PCDH15: variants seen among roughly 807,000 people sequenced by gnomAD.
The protein encoded by PCDH15 is protocadherin related 15.
Under a neutral mutation model 178.5 loss-of-function variants are expected in PCDH15, and 129 were observed. The ratio of observed to expected loss-of-function variants is 0.72; its 90% CI spans 0.63 to 0.84. The LOEUF (loss-of-function observed/expected upper bound fraction) is 0.84. PCDH15 is among the 40% of genes least tolerant of loss of function. The probability of loss-of-function intolerance (pLI) is 0.00; values close to 1 mark genes in which losing one functional copy is unlikely to be tolerated. For synonymous variants in PCDH15, 800 were observed against 732.0 expected (o/e 1.09, Z -1.50); for missense variants, 2,230 against 2,099.9 (o/e 1.06, Z -1.21).
At position 55,425,782 on chromosome 10, in the gene PCDH15, A is replaced by T. The variant is rs558832573; in HGVS notation, c.-156+201843T>A. 5.9e-5 allele frequency among the ~76,000 whole-genome samples: 9 copies of T among 152,308 alleles called. No individual in the cohort carries two copies. The South Asian group carries it at 1.9e-3, about 32-fold the overall frequency. ...TGAATGTTTGTCTTATAAGCTATTAATATATGCTGTGAAATGTCAAATTTA... is the reference window on the plus strand; with the variant it reads ...TGAATGTTTGTCTTATAAGCTATTATTATATGCTGTGAAATGTCAAATTTA... On this transcript the variant is annotated intron_variant, in intron 2 of 5. Transcript: ENST00000613346.
intron 21 of PCDH15, among the ~76,000 whole-genome samples, chr10:53,975,228 G>T (rs1035167674): frequency 1.3e-5 from 2 of 152,158 alleles, no homozygotes; most frequent in African/African-American, 4.8e-5. Flanking sequence ...ATTGTGAAAA[G>T]TGCAGTGATG....
chr10:53,984,122 CTTTTTTT>C (rs57184119), intron 21 of PCDH15, among the ~76,000 whole-genome samples: 3 of 112,690 alleles, frequency 2.7e-5, no homozygotes, highest in Admixed American at 1.9e-4. Flanking sequence ...AAGTGCTTTT[CTTTTTTT>C]TTTTTTCTTT....
chr10:54,590,173 C>T (rs2133922610), intron 2 of PCDH15, among the ~76,000 whole-genome samples: 1 of 152,238 alleles, frequency 6.6e-6, no homozygotes, highest in Non-Finnish European at 1.5e-5. Context: ...CAATAAAACA[C>T]TTTTATCTAT....
intron 1 of PCDH15, among the ~76,000 whole-genome samples, chr10:54,789,980 CTT>C (rs1426667989): frequency 6.6e-6 from 1 of 151,760 alleles, no homozygotes; most frequent in Non-Finnish European, 1.5e-5. Context: ...ATACGACAAA[CTT>C]AACAAATAAG....
intron 1 of PCDH15, among the ~76,000 whole-genome samples, chr10:55,185,437 G>T (rs1463956749): frequency 6.6e-6 from 1 of 151,656 alleles, no homozygotes; most frequent in East Asian, 1.9e-4. Context: ...TTTATTAAAA[G>T]ACTTTGATGA....
chr10:53,827,044 CTATT>C (rs1229322057), intron 32 of PCDH15, among the ~76,000 whole-genome samples: 3 of 151,496 alleles, frequency 2.0e-5, no homozygotes, highest in Non-Finnish European at 4.4e-5. Flanking sequence ...TTTTCAGAAT[CTATT>C]TATATATTTA....
intron 2 of PCDH15, among the ~76,000 whole-genome samples, chr10:55,431,124 T>A (rs1838872078): frequency 1.3e-5 from 2 of 152,160 alleles, no homozygotes; most frequent in African/African-American, 4.8e-5. Flanking sequence ...ATTCTAGGAT[T>A]TTGAGTAATA....
At chr10:53,886,595 CTTTTTTTTTTT>C (rs36171553) in intron 26 of PCDH15, among the ~76,000 whole-genome samples, 5 of 72,786 alleles carry the variant, frequency 6.9e-5, no homozygotes, top group African/African-American at 1.2e-4. Flanking sequence ...ATGTATGCCT[CTTTTTTTTTTT>C]TTTTTTTTTT....
At chr10:53,911,580 T>A (rs2083090007) in intron 25 of PCDH15, among the ~76,000 whole-genome samples, 2 of 152,136 alleles carry the variant, frequency 1.3e-5, no homozygotes, top group African/African-American at 2.4e-5. Context: ...ATTCAAATGC[T>A]AGCAGAAGGC....
At chr10:54,215,680 A>G (rs1410443883) in intron 9 of PCDH15, among the ~76,000 whole-genome samples, 1 of 152,228 alleles carries the variant, frequency 6.6e-6, no homozygotes, top group Non-Finnish European at 1.5e-5. Flanking sequence ...CTATATTGCA[A>G]AATTGCATGG....
intron 1 of PCDH15, among the ~76,000 whole-genome samples, chr10:55,300,456 T>C (rs1843244796): frequency 6.6e-6 from 1 of 152,182 alleles, no homozygotes. Context: ...AAATCCCGCA[T>C]CATTTTCTGT....
At chr10:54,300,903 G>C (rs1234704071) in intron 8 of PCDH15, among the ~76,000 whole-genome samples, 1 of 152,168 alleles carries the variant, frequency 6.6e-6, no homozygotes, top group African/African-American at 2.4e-5. Flanking sequence ...GCGGCAACCT[G>C]TTTGGGTCCC....
intron 1 of PCDH15, among the ~76,000 whole-genome samples, chr10:54,690,314 T>TC (rs2095097473): frequency 6.7e-6 from 1 of 149,750 alleles, no homozygotes; most frequent in African/African-American, 2.5e-5. Flanking sequence ...GACTACCTTT[T>TC]TTTTTTTTTT....
At chr10:54,881,192 TA>T (rs1159840066) in intron 3 of PCDH15, among the ~76,000 whole-genome samples, 2 of 152,034 alleles carry the variant, frequency 1.3e-5, no homozygotes, top group African/African-American at 4.8e-5. Flanking sequence ...AAGGAGAACA[TA>T]GTTCGGCAGC....
At chr10:54,242,295 T>G (rs111261313) in intron 8 of PCDH15, among the ~76,000 whole-genome samples, 3,793 of 150,408 alleles carry the variant, frequency 0.025, 60 homozygotes, top group South Asian at 0.078. Flanking sequence ...ATCTCAGCTT[T>G]CTGGTCATTT....
At chr10:54,667,796 G>A (rs1351045221) in intron 1 of PCDH15, among the ~76,000 whole-genome samples, 1 of 152,102 alleles carries the variant, frequency 6.6e-6, no homozygotes, top group East Asian at 1.9e-4. Flanking sequence ...AAATAAATAT[G>A]TTATACTTGT....
At chr10:54,117,508 G>A (rs534230008) in intron 15 of PCDH15, among the ~76,000 whole-genome samples, 33 of 152,224 alleles carry the variant, frequency 2.2e-4, no homozygotes, top group Admixed American at 7.9e-4. Flanking sequence ...GCCTGTTTCC[G>A]TCCTGTTTGT....
At chr10:54,904,729 C>A (rs776087877) in intron 2 of PCDH15, among the ~76,000 whole-genome samples, 4 of 151,762 alleles carry the variant, frequency 2.6e-5, no homozygotes, top group Non-Finnish European at 5.9e-5. Context: ...AGAATAATTT[C>A]TTTCCTAGCT....
At chr10:55,432,118 A>T (rs1365670506) in intron 2 of PCDH15, among the ~76,000 whole-genome samples, 1 of 96,162 alleles carries the variant, frequency 1.0e-5, no homozygotes, top group Non-Finnish European at 2.2e-5. Flanking sequence ...CACACACCAC[A>T]AGTCTCTCCA....
Sources: allele counts gnomAD v4.1 joint callset (sites outside exome capture counted in the v4.1 genomes callset), GRCh38; gene constraint gnomAD v4.1.1; transcripts MANE v1.5; gene names NCBI Gene and HGNC (gene_info 2026-07-23, HGNC 2026-07-21).